The following MAOA variants were observed in gnomAD, a reference collection of about 807,000 sequenced individuals.
The protein encoded by MAOA is amine oxidase [flavin-containing] A.
MAOA carries 6 observed loss-of-function variants against 42.0 expected under a neutral mutation model. That is an observed-to-expected ratio of 0.14 (90% CI 0.08 to 0.28). The LOEUF is 0.28. MAOA is among the 10% of genes least tolerant of loss of function. MAOA has a pLI of 1.00. For missense variants in MAOA, 262 were observed against 422.3 expected, an observed-to-expected ratio of 0.62 and a Z score of 3.33; for synonymous variants, 140 against 154.0, an observed-to-expected ratio of 0.91 and a Z score of 0.67.
At chrX:43,743,666 T>C in intron 12 of MAOA, 128 bp from the exon 13 acceptor site, 1 of 827,244 alleles carries the variant, frequency 1.2e-6, no homozygotes, top group Non-Finnish European at 1.8e-6. Flanking sequence ...TTGGGCTAAG[T>C]CATACGGGTG....
At chrX:43,729,725 G>A (rs959730083) in intron 6 of MAOA, among the ~76,000 whole-genome samples, 15 of 111,244 alleles carry the variant, frequency 1.3e-4, no homozygotes, top group African/African-American at 3.9e-4. Flanking sequence ...CAGTCCTTCC[G>A]CCTCAGCCTC....
At chrX:43,724,328 A>G (rs2033815624) in intron 5 of MAOA, among the ~76,000 whole-genome samples, 1 of 111,290 alleles carries the variant, frequency 9.0e-6, no homozygotes, top group African/African-American at 3.3e-5. Context: ...TTTTGTTGGT[A>G]GGCTATTAAT....
chrX:43,684,690 T>C (rs1221432451), intron 2 of MAOA, among the ~76,000 whole-genome samples: 3 of 111,070 alleles, frequency 2.7e-5, no homozygotes, highest in African/African-American at 3.3e-5. Context: ...TTGAAGTGAC[T>C]GGAAAGAAAG....
intron 1 of MAOA, among the ~76,000 whole-genome samples, chrX:43,660,519 G>C (rs1044595597): frequency 1.8e-5 from 2 of 111,107 alleles, no homozygotes; most frequent in African/African-American, 6.6e-5. Flanking sequence ...TCACCGCCTC[G>C]TGTCCTCAGG....
At chrX:43,707,785 T>C (rs2033669120) in intron 3 of MAOA, among the ~76,000 whole-genome samples, 1 of 112,055 alleles carries the variant, frequency 8.9e-6, no homozygotes, top group Non-Finnish European at 1.9e-5. Flanking sequence ...TCTAAATTAA[T>C]CTGGAAGATA....
chrX:43,665,853 G>GATAT (rs1193403365), intron 1 of MAOA, among the ~76,000 whole-genome samples: 13 of 111,212 alleles, frequency 1.2e-4, no homozygotes, highest in African/African-American at 2.0e-4. Flanking sequence ...TAGATAGATA[G>GATAT]ATAGGAATGG....
intron 3 of MAOA, among the ~76,000 whole-genome samples, chrX:43,707,804 A>G (rs1443094136): frequency 5.4e-5 from 6 of 111,941 alleles, no homozygotes; most frequent in Non-Finnish European, 9.4e-5. Flanking sequence ...TAACTCTTTT[A>G]TTTTCCAGAT....
chrX:43,706,150 GA>G (rs1490877058), intron 3 of MAOA, among the ~76,000 whole-genome samples: 1 of 112,148 alleles, frequency 8.9e-6, no homozygotes, highest in Non-Finnish European at 1.9e-5. Flanking sequence ...GAGATGTGAT[GA>G]TGGTTGCATG....
At chrX:43,731,653 A>G (rs2033882136) in intron 7 of MAOA, 41 bp from the exon 8 acceptor site, 1 of 1,160,076 alleles carries the variant, frequency 8.6e-7, no homozygotes, top group Non-Finnish European at 1.2e-6. Context: ...CAAAGACTGC[A>G]GCTCACATTT....
intron 12 of MAOA, among the ~76,000 whole-genome samples, chrX:43,742,851 T>A (rs2033969537): frequency 9.0e-6 from 1 of 111,235 alleles, no homozygotes; most frequent in Non-Finnish European, 1.9e-5. Context: ...ATTTGTCCAC[T>A]GAAAAGGAGG....
chrX:43,707,752 C>T (rs1457574872), intron 3 of MAOA, among the ~76,000 whole-genome samples: 3 of 112,002 alleles, frequency 2.7e-5, no homozygotes, highest in African/African-American at 9.7e-5. Context: ...TCAAGGTATT[C>T]ATATAAGCTG....
intron 3 of MAOA, among the ~76,000 whole-genome samples, chrX:43,698,158 C>A (rs1046406749): frequency 1.8e-5 from 2 of 112,207 alleles, no homozygotes; most frequent in African/African-American, 6.5e-5. Flanking sequence ...ATCTTTGTGG[C>A]CCAGATTGCT....
chrX:43,740,993 C>T (rs745820865), intron 11 of MAOA, among the ~76,000 whole-genome samples: 1 of 111,289 alleles, frequency 9.0e-6, no homozygotes, highest in Non-Finnish European at 1.9e-5. Context: ...TAATGAGAGC[C>T]TAGAGCTGCA....
At chrX:43,705,331 T>C (rs1352482506) in intron 3 of MAOA, among the ~76,000 whole-genome samples, 5 of 112,095 alleles carry the variant, frequency 4.5e-5, no homozygotes, top group African/African-American at 1.6e-4. Flanking sequence ...TTATGCCCAA[T>C]TGATTTTTGT....
chrX:43,686,747 C>T (rs1339508601), intron 2 of MAOA, among the ~76,000 whole-genome samples: 4 of 110,937 alleles, frequency 3.6e-5, no homozygotes, highest in Non-Finnish European at 7.6e-5. Flanking sequence ...TGCGGTGAGC[C>T]GAGATTGCAC....
intron 1 of MAOA, among the ~76,000 whole-genome samples, chrX:43,680,963 T>C (rs1367557497): frequency 2.7e-5 from 3 of 111,612 alleles, no homozygotes; most frequent in Non-Finnish European, 5.7e-5. Context: ...AACTCATGGA[T>C]TTAAGCCATT....
At chrX:43,700,895 A>G (rs908415507) in intron 3 of MAOA, among the ~76,000 whole-genome samples, 8 of 111,985 alleles carry the variant, frequency 7.1e-5, no homozygotes, top group African/African-American at 2.3e-4. Flanking sequence ...TAGAAGATAG[A>G]AAAACAAAAC....
In MAOA at chrX:43,716,270, A is replaced by G. The variant is rs1444317205; in HGVS notation, c.503+3474A>G. Among the ~76,000 whole-genome samples, 44 of 108,537 alleles carry G rather than the reference A, an allele frequency of 4.1e-4. No homozygotes were observed. In the Admixed American group the frequency reaches 4.4e-3, roughly 11 times the overall value. The allele number at this position is 108,537 out of a possible 115,157, so 94.3% of individuals were successfully genotyped here. ...TAGGTGGATGGTTTTGTAGAATGGT[A>G]TTTTCCAGGAATGAGCCACAGGGCA... On this transcript the variant is annotated intron_variant, in intron 5 of 14. Coordinates refer to ENST00000338702, the MANE Select transcript of MAOA (RefSeq NM_000240.4).
intron 3 of MAOA, among the ~76,000 whole-genome samples, chrX:43,694,771 G>A (rs1393058558): frequency 9.0e-6 from 1 of 111,460 alleles, no homozygotes; most frequent in African/African-American, 3.3e-5. Context: ...TTTAATATAG[G>A]GAGAGAGACC....
Sources: gnomAD v4.1 joint callset for allele counts (sites outside exome capture counted in the v4.1 genomes callset) on GRCh38, gnomAD v4.1.1 for gene constraint, MANE v1.5 for transcripts, NCBI Gene and HGNC (gene_info 2026-07-23, HGNC 2026-07-21) for gene names.